MAGI1: variants seen among roughly 807,000 people sequenced by gnomAD.
The protein encoded by MAGI1 is membrane-associated guanylate kinase, WW and PDZ domain-containing protein 1.
In MAGI1, 58 loss-of-function variants were observed where a neutral mutation model predicts 139.9. The ratio of observed to expected loss-of-function variants is 0.41; its 90% CI spans 0.34 to 0.52. The LOEUF is 0.52. Ranked by LOEUF, MAGI1 falls within the 20% of genes least tolerant of loss-of-function variation. MAGI1 has a pLI of 0.12. For missense variants in MAGI1, 1,874 were observed against 1,901.6 expected, an observed-to-expected ratio of 0.99 and a Z score of 0.27; for synonymous variants, 812 against 737.9, an observed-to-expected ratio of 1.10 and a Z score of -1.63.
At chr3:65,650,017 T>C (rs1180932505) in intron 1 of MAGI1, among the ~76,000 whole-genome samples, 1 of 152,224 alleles carries the variant, frequency 6.6e-6, no homozygotes, top group Non-Finnish European at 1.5e-5. Flanking sequence ...CCAAAAATCA[T>C]GTTTTGGAAA....
At chr3:65,965,153 T>C (rs980187221) in intron 1 of MAGI1, among the ~76,000 whole-genome samples, 1 of 152,172 alleles carries the variant, frequency 6.6e-6, no homozygotes, top group Non-Finnish European at 1.5e-5. Flanking sequence ...TGCAACTATT[T>C]GGTAAATGTT....
chr3:65,823,843 G>A (rs969226636), intron 1 of MAGI1, among the ~76,000 whole-genome samples: 2 of 152,120 alleles, frequency 1.3e-5, no homozygotes, highest in East Asian at 1.9e-4. Context: ...CATTTTTAAC[G>A]ATGGACACAC....
chr3:66,023,643 G>T (rs2068079018), intron 1 of MAGI1, among the ~76,000 whole-genome samples: 1 of 152,212 alleles, frequency 6.6e-6, no homozygotes, highest in African/African-American at 2.4e-5. Context: ...TGGGGTAAAG[G>T]TTAGGGTCCC....
At chr3:65,365,188 A>AT in intron 18 of MAGI1, 2 of 695,824 alleles carry the variant, frequency 2.9e-6, no homozygotes, top group South Asian at 1.4e-5. Flanking sequence ...CAAATAAAAC[A>AT]GAGTTTGCCA....
chr3:65,729,568 G>A lies in MAGI1; in HGVS notation c.314-107480C>T, dbSNP rs536719317. Among the ~76,000 whole-genome samples the A allele has an allele frequency of 2.6e-5, 4 of 152,268 alleles. No individual in the cohort carries two copies. The South Asian group carries it at 8.3e-4, about 32-fold the overall frequency. On this transcript the variant is annotated intron_variant, in intron 1 of 22. Coordinates refer to ENST00000402939, the MANE Select transcript of MAGI1 (RefSeq NM_001033057.2). ...GAAACAACACTGAATCTAACTCAGGGAAGAGCCACTGCCAATCCTGCTTTA... is the reference window on the plus strand; with the variant it reads ...GAAACAACACTGAATCTAACTCAGGAAAGAGCCACTGCCAATCCTGCTTTA...
intron 12 of MAGI1, among the ~76,000 whole-genome samples, chr3:65,414,126 AGATGGT>A (rs1946010830): frequency 6.6e-6 from 1 of 152,344 alleles, no homozygotes; most frequent in Admixed American, 6.5e-5. Flanking sequence ...GAGTCAATGC[AGATGGT>A]GATCTTAATG....
chr3:65,942,042 C>A (rs1018749714), intron 1 of MAGI1, among the ~76,000 whole-genome samples: 1 of 152,148 alleles, frequency 6.6e-6, no homozygotes, highest in South Asian at 2.1e-4. Flanking sequence ...CTGCCTTGGC[C>A]TCCCAAAATG....
At chr3:65,719,633 C>A (rs1478479485) in intron 1 of MAGI1, among the ~76,000 whole-genome samples, 1 of 151,620 alleles carries the variant, frequency 6.6e-6, no homozygotes, top group African/African-American at 2.4e-5. Context: ...GCAGCCTCAA[C>A]CTCTCAGGAT....
chr3:65,985,102 G>GTGA (rs2065813334), intron 1 of MAGI1, among the ~76,000 whole-genome samples: 1 of 152,144 alleles, frequency 6.6e-6, no homozygotes, highest in Non-Finnish European at 1.5e-5. Context: ...ACTTTCAAAA[G>GTGA]GCTCTGTTAC....
chr3:65,407,234 G>A (rs962325793), intron 12 of MAGI1, among the ~76,000 whole-genome samples: 1 of 152,034 alleles, frequency 6.6e-6, no homozygotes, highest in African/African-American at 2.4e-5. Context: ...ATCACCTGAG[G>A]TCAAGAGTTT....
chr3:65,643,677 C>A (rs574569077), intron 1 of MAGI1, among the ~76,000 whole-genome samples: 41 of 150,128 alleles, frequency 2.7e-4, no homozygotes, highest in African/African-American at 6.8e-4. Flanking sequence ...ACAACAACAA[C>A]AACAAAGCCT....
intron 1 of MAGI1, among the ~76,000 whole-genome samples, chr3:65,909,961 C>T (rs1241253894): frequency 6.6e-6 from 1 of 152,130 alleles, no homozygotes; most frequent in African/African-American, 2.4e-5. Context: ...ACAACTAGAT[C>T]CCTCACATGT....
intron 10 of MAGI1, among the ~76,000 whole-genome samples, chr3:65,434,946 G>A (rs1029875202): frequency 1.3e-5 from 2 of 152,136 alleles, no homozygotes; most frequent in African/African-American, 2.4e-5. Flanking sequence ...CCATGAGAGT[G>A]GAGCCCACAT....
intron 1 of MAGI1, among the ~76,000 whole-genome samples, chr3:65,851,524 G>A (rs1250051759): frequency 2.0e-5 from 3 of 152,070 alleles, no homozygotes; most frequent in African/African-American, 7.2e-5. Context: ...CGAGGTGGGC[G>A]GATCACTTGA....
chr3:65,680,004 G>A (rs2087469046), intron 1 of MAGI1, among the ~76,000 whole-genome samples: 1 of 152,112 alleles, frequency 6.6e-6, no homozygotes, highest in Non-Finnish European at 1.5e-5. Context: ...AAGGCATACA[G>A]GGTCCTTGCT....
chr3:65,943,231 G>A (rs1034025443), intron 1 of MAGI1, among the ~76,000 whole-genome samples: 6 of 152,036 alleles, frequency 3.9e-5, no homozygotes, highest in Non-Finnish European at 5.9e-5. Context: ...AACATTCTTT[G>A]AAAATGTCCC....
intron 16 of MAGI1, among the ~76,000 whole-genome samples, chr3:65,380,399 G>C (rs1036616719): frequency 6.6e-6 from 1 of 152,190 alleles, no homozygotes; most frequent in Non-Finnish European, 1.5e-5. Context: ...GCATACAGTT[G>C]AGTGGTATTA....
chr3:65,610,925 GTAGA>G (rs1426053562), intron 2 of MAGI1, among the ~76,000 whole-genome samples: 1 of 136,766 alleles, frequency 7.3e-6, no homozygotes, highest in East Asian at 2.1e-4. Context: ...ACACTATATA[GTAGA>G]TAGTATATAT....
At chr3:65,884,964 A>T (rs1482353164) in intron 1 of MAGI1, among the ~76,000 whole-genome samples, 1 of 152,216 alleles carries the variant, frequency 6.6e-6, no homozygotes, top group East Asian at 1.9e-4. Context: ...ATATTCAGAG[A>T]GATATATAAG....
Sources: gnomAD v4.1 joint callset for allele counts (sites outside exome capture counted in the v4.1 genomes callset) on GRCh38, gnomAD v4.1.1 for gene constraint, MANE v1.5 for transcripts, NCBI Gene and HGNC (gene_info 2026-07-23, HGNC 2026-07-21) for gene names.